SMIM35: variants seen among roughly 807,000 people sequenced by gnomAD.
SMIM35 encodes the protein small integral membrane protein 35.
intron 1 of SMIM35, among the ~76,000 whole-genome samples, chr11:118,018,825 T>A (rs2135028599): frequency 6.6e-6 from 1 of 152,378 alleles, no homozygotes; most frequent in South Asian, 2.1e-4. Context: ...CTTTCTGGGA[T>A]GCTCCTTTAC....
intron 2 of SMIM35, among the ~76,000 whole-genome samples, chr11:118,015,187 G>A (rs1441635120): frequency 6.6e-6 from 1 of 152,106 alleles, no homozygotes; most frequent in East Asian, 1.9e-4. Flanking sequence ...CTACCCCTTG[G>A]CATTCCAGCA....
intron 1 of SMIM35, among the ~76,000 whole-genome samples, chr11:118,045,348 A>ACACACACACACG: frequency 6.6e-6 from 1 of 151,876 alleles, no homozygotes; most frequent in African/African-American, 2.4e-5. Context: ...ACACACACAC[A>ACACACACACACG]CACACACACA....
intron 1 of SMIM35, chr11:118,028,879 G>A (rs2058295391): frequency 6.8e-6 from 3 of 443,372 alleles, no homozygotes; most frequent in South Asian, 3.2e-5. Flanking sequence ...AAAGTTGGGG[G>A]AGAAGAAGGA....
chr11:118,015,614 C>T, intron 2 of SMIM35, 79 bp downstream of exon 2: 1 of 399,170 alleles, frequency 2.5e-6, no homozygotes, highest in Non-Finnish European at 4.4e-6. Context: ...GAGTTTGCAG[C>T]CCTGCCGGGC....
chr11:118,034,132 G>C lies in SMIM35; in HGVS notation c.8-18323C>G, dbSNP rs190941695. Among the ~76,000 whole-genome samples, 9 of 152,116 alleles carry C rather than the reference G, an allele frequency of 5.9e-5. No individual in the cohort carries two copies. The East Asian group carries it at 1.7e-3, about 30-fold the overall frequency. On this transcript the variant is annotated intron_variant, in intron 1 of 4. Transcript: ENST00000689828. Reference sequence around the variant, plus strand: ...AAAATACAAAAATTAGCCCAGGCATGATGACAAGCACCTGTAATCCCAGCT... The same window carrying C: ...AAAATACAAAAATTAGCCCAGGCATCATGACAAGCACCTGTAATCCCAGCT...
intron 4 of SMIM35, among the ~76,000 whole-genome samples, chr11:118,008,938 G>A (rs1291394768): frequency 6.6e-6 from 1 of 152,222 alleles, no homozygotes; most frequent in Non-Finnish European, 1.5e-5. Flanking sequence ...GTGAATAAAT[G>A]AATGCAAAGA....
At chr11:118,042,921 C>CA (rs1361248220) in intron 1 of SMIM35, among the ~76,000 whole-genome samples, 1 of 151,942 alleles carries the variant, frequency 6.6e-6, no homozygotes, top group Non-Finnish European at 1.5e-5. Context: ...TCAATAGATG[C>CA]AAAAAAAGCA....
intron 1 of SMIM35, among the ~76,000 whole-genome samples, chr11:118,027,068 C>T (rs186649257): frequency 2.9e-5 from 4 of 136,932 alleles, no homozygotes; most frequent in Non-Finnish European, 6.1e-5. Flanking sequence ...TCGCCCAGGC[C>T]GGACTGCGGA....
intron 1 of SMIM35, among the ~76,000 whole-genome samples, chr11:118,021,246 T>C (rs1195148093): frequency 6.6e-6 from 1 of 152,136 alleles, no homozygotes; most frequent in Non-Finnish European, 1.5e-5. Flanking sequence ...GAAAATTCAG[T>C]TTAAAAGTTT....
intron 1 of SMIM35, among the ~76,000 whole-genome samples, chr11:118,020,043 A>G (rs184189476): frequency 6.6e-6 from 1 of 152,306 alleles, no homozygotes; most frequent in Admixed American, 6.5e-5. Context: ...TTGTCGGATC[A>G]ACTGAGGTCA....
chr11:118,052,597 T>C (rs1379892541), intron 1 of SMIM35, among the ~76,000 whole-genome samples: 1 of 152,104 alleles, frequency 6.6e-6, no homozygotes, highest in Admixed American at 6.5e-5. Flanking sequence ...GGCTCCCACA[T>C]AGAATGCTTC....
chr11:118,037,189 T>C (rs1185327667), intron 1 of SMIM35, among the ~76,000 whole-genome samples: 4 of 152,146 alleles, frequency 2.6e-5, no homozygotes, highest in Admixed American at 2.0e-4. Flanking sequence ...AACTGGGGTG[T>C]AGTAGCGGTT....
chr11:118,023,087 A>G (rs1167563992), intron 1 of SMIM35, among the ~76,000 whole-genome samples: 1 of 151,912 alleles, frequency 6.6e-6, no homozygotes, highest in African/African-American at 2.4e-5. Flanking sequence ...CCACTCAGCA[A>G]AGTAAAATTC....
chr11:118,019,370 C>G (rs746462096), intron 1 of SMIM35, among the ~76,000 whole-genome samples: 3 of 152,072 alleles, frequency 2.0e-5, no homozygotes, highest in Non-Finnish European at 4.4e-5. Context: ...TGGGTGAGTT[C>G]CCCGAGTTCC....
intron 1 of SMIM35, among the ~76,000 whole-genome samples, chr11:118,052,756 T>C (rs1363087795): frequency 4.6e-5 from 7 of 152,028 alleles, no homozygotes; most frequent in African/African-American, 1.7e-4. Flanking sequence ...CTGCCTCTCC[T>C]GGAACCTCTC....
At chr11:118,050,615 C>T (rs1944196721) in intron 1 of SMIM35, among the ~76,000 whole-genome samples, 1 of 152,244 alleles carries the variant, frequency 6.6e-6, no homozygotes, top group African/African-American at 2.4e-5. Context: ...AGTCCTCCTG[C>T]CTCAAAGCCT....
At chr11:118,036,741 T>C (rs2058361917) in intron 1 of SMIM35, among the ~76,000 whole-genome samples, 1 of 152,204 alleles carries the variant, frequency 6.6e-6, no homozygotes, top group African/African-American at 2.4e-5. Flanking sequence ...TCTGCGATGG[T>C]GGTGTCATGC....
At position 118,021,047 on chromosome 11, in the gene SMIM35, G is replaced by GTTTTTTTTTTTTTTTGT. The variant is rs367714265; in HGVS notation, c.8-5239_8-5238insACAAAAAAAAAAAAAAA. Among the ~76,000 whole-genome samples, 18 of 140,844 alleles carry GTTTTTTTTTTTTTTTGT rather than the reference G, an allele frequency of 1.3e-4. No individual in the cohort carries two copies. The East Asian group carries it at 1.5e-3, about 12-fold the overall frequency. 92.4% of individuals were successfully genotyped at this position (140,844 alleles called of 152,430 possible). On this transcript the variant is annotated intron_variant, in intron 1 of 4. Transcript: ENST00000689828. Reference sequence around the variant, plus strand: ...TTAGTTTCCAAATTCACAGGGTAAGGTTTTTTTTTTTACTATTTATTAAGA... The same window carrying GTTTTTTTTTTTTTTTGT: ...TTAGTTTCCAAATTCACAGGGTAAGGTTTTTTTTTTTTTTTGTTTTTTTTTTTTACTATTTATTAAGA...
intron 1 of SMIM35, chr11:118,076,993 T>C: frequency 2.7e-6 from 1 of 367,070 alleles, no homozygotes; most frequent in Non-Finnish European, 4.9e-6. Flanking sequence ...AAGATAGGTG[T>C]CAGGTTACAA....
Sources: gnomAD v4.1 joint callset for allele counts (sites outside exome capture counted in the v4.1 genomes callset) on GRCh38, gnomAD v4.1.1 for gene constraint, MANE v1.5 for transcripts, NCBI Gene and HGNC (gene_info 2026-07-23, HGNC 2026-07-21) for gene names.